The following ZNF385D variants were observed in gnomAD, a reference collection of about 807,000 sequenced individuals.
ZNF385D encodes the protein zinc finger protein 385D.
Under a neutral mutation model 35.8 loss-of-function variants are expected in ZNF385D, and 15 were observed. The ratio of observed to expected loss-of-function variants is 0.42; its 90% CI spans 0.28 to 0.64. The LOEUF (loss-of-function observed/expected upper bound fraction) is 0.64, where lower values mean the gene tolerates loss of function less well. Among genes scored for constraint, ZNF385D ranks in the 30% least tolerant of loss-of-function variants. The pLI is 0.23. For missense variants in ZNF385D, 474 were observed against 494.6 expected, an observed-to-expected ratio of 0.96 and a Z score of 0.39; for synonymous variants, 212 against 186.8, an observed-to-expected ratio of 1.13 and a Z score of -1.10.
At chr3:21,771,220 C>A (rs2071064230) in intron 3 of ZNF385D, among the ~76,000 whole-genome samples, 1 of 151,306 alleles carries the variant, frequency 6.6e-6, no homozygotes, top group African/African-American at 2.4e-5. Flanking sequence ...GGACATGTAC[C>A]CTAGAACTTA....
chr3:22,234,967 T>C (rs1473050344), intron 2 of ZNF385D, among the ~76,000 whole-genome samples: 1 of 151,986 alleles, frequency 6.6e-6, no homozygotes, highest in Non-Finnish European at 1.5e-5. Flanking sequence ...TAGTACCAAA[T>C]AAGAAAATTT....
At chr3:22,149,261 C>A (rs1705072274) in intron 3 of ZNF385D, among the ~76,000 whole-genome samples, 1 of 152,106 alleles carries the variant, frequency 6.6e-6, no homozygotes, top group Non-Finnish European at 1.5e-5. Context: ...GTTAGTATCC[C>A]AACCTTGATT....
At chr3:22,072,113 T>C (rs750198660) in intron 3 of ZNF385D, among the ~76,000 whole-genome samples, 27 of 152,062 alleles carry the variant, frequency 1.8e-4, no homozygotes, top group African/African-American at 4.1e-4. Context: ...AAATTAGGCA[T>C]TGAAGAAACA....
rs142774515 is a variant in ZNF385D at position 22,168,902 on chromosome 3, G to T, written c.240C>A (p.Ala80=). The change falls in exon 3 of 6, where the codon GCC becomes GCA. Residue 80 remains alanine (A), a synonymous_variant. Transcript: ENST00000494108. ...CATTGTAGTGGATTTGTGCTTGAGC[G>T]GCTGAATTCAGCTGAATGTTACATA... 97 of 985,738 alleles carry T rather than the reference G, an allele frequency of 9.8e-5. No homozygotes were observed. The African/African-American group carries it at 1.4e-3, about 15-fold the overall frequency. The allele number at this position is 985,738 out of a possible 1,614,324, so 61.1% of individuals were successfully genotyped here.
intron 3 of ZNF385D, among the ~76,000 whole-genome samples, chr3:21,771,771 C>T (rs935359545): frequency 1.3e-5 from 2 of 151,718 alleles, no homozygotes; most frequent in African/African-American, 4.8e-5. Flanking sequence ...CCATAAATAG[C>T]AAATACAATC....
chr3:22,073,329 T>TG (rs1232883238), intron 3 of ZNF385D, among the ~76,000 whole-genome samples: 14 of 136,510 alleles, frequency 1.0e-4, no homozygotes, highest in East Asian at 8.0e-4. Context: ...AAACAGACAG[T>TG]GAAAAAAAAA....
chr3:22,018,963 C>T (rs941451205), intron 3 of ZNF385D, among the ~76,000 whole-genome samples: 2 of 150,996 alleles, frequency 1.3e-5, no homozygotes, highest in Non-Finnish European at 3.0e-5. Context: ...TCCGTCTCTA[C>T]CCACAAACAC....
At chr3:22,277,873 G>A (rs923113066) in intron 2 of ZNF385D, among the ~76,000 whole-genome samples, 3 of 152,026 alleles carry the variant, frequency 2.0e-5, no homozygotes, top group Non-Finnish European at 2.9e-5. Context: ...GCCCTGATAT[G>A]AATTAAGGCT....
chr3:22,113,109 A>G (rs989951087), intron 3 of ZNF385D, among the ~76,000 whole-genome samples: 3 of 152,076 alleles, frequency 2.0e-5, no homozygotes, highest in African/African-American at 7.2e-5. Flanking sequence ...AGCTGTAAGA[A>G]GCTGCTTGGT....
At chr3:22,239,189 CTA>C (rs1466739904) in intron 2 of ZNF385D, among the ~76,000 whole-genome samples, 3 of 151,200 alleles carry the variant, frequency 2.0e-5, no homozygotes, top group Non-Finnish European at 4.4e-5. Flanking sequence ...AGTTGGAAAA[CTA>C]TGATTCATTG....
intron 2 of ZNF385D, among the ~76,000 whole-genome samples, chr3:22,247,924 T>C (rs2125324407): frequency 6.6e-6 from 1 of 152,218 alleles, no homozygotes; most frequent in African/African-American, 2.4e-5. Flanking sequence ...ATATGACAGT[T>C]TGCAAGGCAG....
chr3:21,930,652 G>A (rs1029154008), intron 3 of ZNF385D, among the ~76,000 whole-genome samples: 4 of 152,128 alleles, frequency 2.6e-5, no homozygotes, highest in African/African-American at 9.7e-5. Context: ...ACAGAACTAA[G>A]ATGAGAAATT....
chr3:21,465,229 C>T lies in ZNF385D; in HGVS notation c.440-28026G>A, dbSNP rs982893407. Among the ~76,000 whole-genome samples, 6 of 152,132 alleles carry T rather than the reference C, an allele frequency of 3.9e-5. No homozygotes were observed. Among genetic ancestry groups the T allele is most frequent in the African/African-American group, 1.4e-4 (6 of 41,416 alleles). ...TTTTATTTTCACATAGGGAACTACA[C>T]TTATCTCCAGAGTCTTCCCAATTTC... On this transcript the variant is annotated intron_variant, in intron 4 of 7. Coordinates refer to ENST00000281523, the MANE Select transcript of ZNF385D (RefSeq NM_024697.3). The surrounding 1 kb of genome is among the most constrained non-coding windows in gnomAD (Gnocchi z 4.2).
At chr3:22,187,144 A>G (rs1471372849) in intron 2 of ZNF385D, among the ~76,000 whole-genome samples, 1 of 152,168 alleles carries the variant, frequency 6.6e-6, no homozygotes, top group East Asian at 1.9e-4. Context: ...CAAATTCTTC[A>G]AAAATTTCGT....
intron 3 of ZNF385D, among the ~76,000 whole-genome samples, chr3:21,969,708 C>T (rs1189000570): frequency 1.1e-4 from 16 of 151,804 alleles, no homozygotes; most frequent in South Asian, 6.2e-4. Context: ...TAAGTGAACA[C>T]GGGCAGTAGC....
At chr3:22,152,893 CACTT>C (rs1378586210) in intron 3 of ZNF385D, among the ~76,000 whole-genome samples, 8 of 152,140 alleles carry the variant, frequency 5.3e-5, no homozygotes, top group Non-Finnish European at 8.8e-5. Context: ...CCATTGGCCA[CACTT>C]ACAACCAGGG....
At chr3:21,748,698 A>G (rs1007258024) in intron 1 of ZNF385D, among the ~76,000 whole-genome samples, 3 of 152,222 alleles carry the variant, frequency 2.0e-5, no homozygotes, top group African/African-American at 7.2e-5. Context: ...TGGCCAACCA[A>G]TTTGCAAAGT....
At chr3:22,211,591 GT>G in intron 2 of ZNF385D, among the ~76,000 whole-genome samples, 1 of 152,142 alleles carries the variant, frequency 6.6e-6, no homozygotes. Context: ...TGTTCTTCCT[GT>G]ATGTGTTGCA....
At chr3:21,598,320 A>T (rs2064182396) in intron 2 of ZNF385D, among the ~76,000 whole-genome samples, 1 of 152,212 alleles carries the variant, frequency 6.6e-6, no homozygotes, top group African/African-American at 2.4e-5. Flanking sequence ...TAAGCAGTAG[A>T]TCATAGGTTA....
Sources: gnomAD v4.1 joint callset for allele counts (sites outside exome capture counted in the v4.1 genomes callset) on GRCh38, gnomAD v4.1.1 for gene constraint, Gnocchi (gnomAD v3.1) non-coding constraint, MANE v1.5 for transcripts, NCBI Gene and HGNC (gene_info 2026-07-23, HGNC 2026-07-21) for gene names.